NIPAL2: variants seen among roughly 807,000 people sequenced by gnomAD.
The protein encoded by NIPAL2 is NIPA-like protein 2.
In NIPAL2, 43 loss-of-function variants were observed where a neutral mutation model predicts 48.9. That is an observed-to-expected ratio of 0.88 (90% CI 0.69 to 1.13). The LOEUF is 1.13. Among genes scored for constraint, NIPAL2 ranks in the 50% most tolerant of loss-of-function variants. NIPAL2 has a pLI of 0.00. For missense variants in NIPAL2, 446 were observed against 461.4 expected (o/e 0.97, Z 0.31); for synonymous variants, 167 against 174.6 (o/e 0.96, Z 0.34).
chr8:98,244,588 G>GGGTGGGCTGTGGTGATGAGAA (rs1813198362), intron 3 of NIPAL2, among the ~76,000 whole-genome samples: 2 of 74,582 alleles, frequency 2.7e-5, no homozygotes, highest in Non-Finnish European at 2.7e-5. Context: ...GGTGATGAGA[G>GGGTGGGCTGTGGTGATGAGAA]GGTGGGCTGT....
intron 1 of NIPAL2, among the ~76,000 whole-genome samples, chr8:98,291,478 T>TG (rs1222166403): frequency 3.9e-5 from 6 of 152,228 alleles, no homozygotes; most frequent in Non-Finnish European, 5.9e-5. Context: ...TGAATTTCCA[T>TG]GGGACTTTAT....
At chr8:98,277,480 T>C (rs1317506762) in intron 1 of NIPAL2, among the ~76,000 whole-genome samples, 1 of 152,102 alleles carries the variant, frequency 6.6e-6, no homozygotes, top group Non-Finnish European at 1.5e-5. Context: ...GAGGTTGCAG[T>C]GAGCTGGGGT....
chr8:98,211,733 A>AAGTGTGTGTGTGTGT lies in NIPAL2; in HGVS notation c.655+671_655+672insACACACACACACACT, dbSNP rs1271888062. On this transcript the variant is annotated intron_variant, in intron 6 of 10. Coordinates refer to ENST00000430223, the MANE Select transcript of NIPAL2 (RefSeq NM_001321635.2). ...GAGTGAGAGAGAGAGAGAGAGAGAA[A>AAGTGTGTGTGTGTGT]GTGTGTGTGTGTGTGTGTGTGTGTG... Among the ~76,000 whole-genome samples, 792 of 109,122 alleles carry AAGTGTGTGTGTGTGT rather than the reference A, an allele frequency of 7.3e-3. 22 individuals carry two copies. Among genetic ancestry groups the AAGTGTGTGTGTGTGT allele is most frequent in the African/African-American group, 0.029 (759 of 25,930 alleles). 71.6% of individuals were successfully genotyped at this position (109,122 alleles called of 152,430 possible).
At chr8:98,213,594 A>G (rs1211381535) in intron 5 of NIPAL2, among the ~76,000 whole-genome samples, 2 of 152,168 alleles carry the variant, frequency 1.3e-5, no homozygotes, top group Admixed American at 1.3e-4. Context: ...CCTCATGGCA[A>G]TTTTTAAAAA....
intron 1 of NIPAL2, among the ~76,000 whole-genome samples, chr8:98,284,544 T>G (rs1816048107): frequency 6.6e-6 from 1 of 152,178 alleles, no homozygotes; most frequent in African/African-American, 2.4e-5. Flanking sequence ...AAGGCCTCTC[T>G]GCTTACGGTT....
intron 1 of NIPAL2, among the ~76,000 whole-genome samples, chr8:98,261,520 G>A (rs1341060329): frequency 7.0e-5 from 10 of 142,548 alleles, no homozygotes; most frequent in African/African-American, 2.4e-4. Flanking sequence ...CTGGAAGAAA[G>A]GGTATCAGCA....
At chr8:98,275,302 C>A (rs1815398782) in intron 1 of NIPAL2, among the ~76,000 whole-genome samples, 1 of 152,102 alleles carries the variant, frequency 6.6e-6, no homozygotes, top group African/African-American at 2.4e-5. Context: ...CAACCACAAT[C>A]CAATCCATTC....
At chr8:98,205,429 G>C (rs1461849962) in intron 6 of NIPAL2, among the ~76,000 whole-genome samples, 183 bp from the exon 7 acceptor site, 1 of 151,982 alleles carries the variant, frequency 6.6e-6, no homozygotes, top group African/African-American at 2.4e-5. Context: ...GAGCCGTGCT[G>C]GATATCAAAT....
chr8:98,288,829 G>A lies in NIPAL2; in HGVS notation c.135+5174C>T, dbSNP rs140586301. On this transcript the variant is annotated intron_variant, in intron 1 of 10. Coordinates refer to ENST00000430223, the MANE Select transcript of NIPAL2 (RefSeq NM_001321635.2). ...AAATTACTACAATAAATTGTCATAC[G>A]GGAAATATCCAGATCAAGAATAGAA... Among the ~76,000 whole-genome samples, 388 of 152,184 alleles carry A rather than the reference G, an allele frequency of 2.5e-3. 4 individuals are homozygous for A. Among genetic ancestry groups the A allele is most frequent in the African/African-American group, 9.0e-3 (373 of 41,518 alleles).
Position 98,194,724 on chromosome 8 carries a change from TTA to T in NIPAL2, c.1039+2_1039+3del. Reference sequence around the variant, plus strand: ...TTTCCACTATAAAGAATATATGATTTTACCAGGAATATTTCCAAAATCAATAT... The same window carrying T: ...TTTCCACTATAAAGAATATATGATTTCCAGGAATATTTCCAAAATCAATAT... On this transcript the variant is annotated splice_donor_variant and splice_donor_region_variant and intron_variant, in intron 10 of 10. Coordinates refer to ENST00000430223, the MANE Select transcript of NIPAL2 (RefSeq NM_001321635.2). LOFTEE classifies it high-confidence loss of function. The T allele has an allele frequency of 6.6e-7, 1 of 1,516,090 alleles. No individual in the cohort carries two copies. The highest frequency in any genetic ancestry group is 8.9e-7 in the Non-Finnish European group (1 of 1,124,390). The allele number at this position is 1,516,090 out of a possible 1,614,324, so 93.9% of individuals were successfully genotyped here. A position where few individuals can be genotyped will look rare whatever the true frequency, so the allele number is the denominator to read the frequency against.
intron 1 of NIPAL2, among the ~76,000 whole-genome samples, chr8:98,259,145 C>T (rs1386135877): frequency 7.6e-6 from 1 of 130,972 alleles, no homozygotes; most frequent in African/African-American, 2.9e-5. Flanking sequence ...GGCGCGATCT[C>T]GACTCACTGC....
intron 1 of NIPAL2, among the ~76,000 whole-genome samples, chr8:98,262,336 A>G (rs1486830183): frequency 6.7e-5 from 10 of 148,916 alleles, no homozygotes; most frequent in Admixed American, 4.0e-4. Flanking sequence ...AGACTGGCAA[A>G]TTGGATAAAG....
chr8:98,214,797 G>A (rs757634691), intron 5 of NIPAL2, among the ~76,000 whole-genome samples: 3 of 151,960 alleles, frequency 2.0e-5, no homozygotes, highest in African/African-American at 2.4e-5. Context: ...TTTCTTCTCC[G>A]GGTAAATTAA....
chr8:98,279,519 C>A (rs1478221613), intron 1 of NIPAL2, among the ~76,000 whole-genome samples: 1 of 152,298 alleles, frequency 6.6e-6, no homozygotes, highest in Admixed American at 6.5e-5. Context: ...TCTACTCCCC[C>A]ACTTCCCTGT....
At position 98,215,949 on chromosome 8, in the gene NIPAL2, G is replaced by A. The variant is rs1025629788; in HGVS notation, c.559-3448C>T. ...CCTAATACAAAGAGCACTGGCAGCTGAAGGGGTGTGTGGCAAAAGAGATAG... is the reference window on the plus strand; with the variant it reads ...CCTAATACAAAGAGCACTGGCAGCTAAAGGGGTGTGTGGCAAAAGAGATAG... On this transcript the variant is annotated intron_variant, in intron 5 of 10. Coordinates refer to ENST00000430223, the MANE Select transcript of NIPAL2 (RefSeq NM_001321635.2). Among the ~76,000 whole-genome samples the A allele has an allele frequency of 7.9e-5, 12 of 152,346 alleles. 1 individual carries two copies. The highest frequency in any genetic ancestry group is 7.8e-4 in the Admixed American group (12 of 15,304).
Position 98,203,194 on chromosome 8 carries a change from A to C in NIPAL2, c.794T>G (p.Phe265Cys), listed in dbSNP as rs532678531. 6.2e-7 allele frequency: 1 copy of C among 1,613,448 alleles called. No homozygotes were observed. The highest frequency in any genetic ancestry group is 2.2e-5 in the East Asian group (1 of 44,878). Residue 265 changes from phenylalanine to cysteine, a missense_variant and splice_region_variant, in exon 8 of 11, where the codon TTC becomes TGC. Coordinates refer to ENST00000430223, the MANE Select transcript of NIPAL2 (RefSeq NM_001321635.2). ...MIASCVFQVK[F>C]LNQATKLYNT... Reference sequence around the variant, plus strand: ...GTAGAGTTTCGTGGCTTGATTCAGGAACCTAGGGCAGAAGGCACTTACTGG... The same window carrying C: ...GTAGAGTTTCGTGGCTTGATTCAGGCACCTAGGGCAGAAGGCACTTACTGG...
At chr8:98,201,614 G>A (rs937244352) in intron 8 of NIPAL2, among the ~76,000 whole-genome samples, 3 of 152,030 alleles carry the variant, frequency 2.0e-5, no homozygotes, top group Non-Finnish European at 4.4e-5. Flanking sequence ...AAAATCTTCC[G>A]ATCAGGGCAA....
At chr8:98,221,542 A>C (rs930242951) in intron 5 of NIPAL2, among the ~76,000 whole-genome samples, 7 of 152,032 alleles carry the variant, frequency 4.6e-5, no homozygotes, top group Non-Finnish European at 1.0e-4. Flanking sequence ...TACATCTATC[A>C]AGTTTTTTTT....
chr8:98,243,632 A>G (rs899183815), intron 3 of NIPAL2, among the ~76,000 whole-genome samples: 2 of 152,222 alleles, frequency 1.3e-5, no homozygotes, highest in African/African-American at 2.4e-5. Flanking sequence ...AAAGCCAACC[A>G]TAAATTAACC....
Sources: gnomAD v4.1 joint callset for allele counts (sites outside exome capture counted in the v4.1 genomes callset) on GRCh38, gnomAD v4.1.1 for gene constraint, MANE v1.5 for transcripts, NCBI Gene and HGNC (gene_info 2026-07-23, HGNC 2026-07-21) for gene names.